Variants in PAG1 observed in about 807,000 individuals in gnomAD.
The protein encoded by PAG1 is phosphoprotein membrane anchor with glycosphingolipid microdomains 1.
A neutral mutation model predicts 31.7 loss-of-function variants in PAG1; 23 were observed. The observed-to-expected ratio is 0.73, with a 90% CI of 0.52 to 1.03. The LOEUF (loss-of-function observed/expected upper bound fraction) is 1.03, where lower values mean the gene tolerates loss of function less well. Ranked by LOEUF, PAG1 falls within the 50% of genes least tolerant of loss-of-function variation. The probability of loss-of-function intolerance (pLI) is 0.00; values close to 1 mark genes in which losing one functional copy is unlikely to be tolerated. For missense variants in PAG1, 473 were observed against 540.7 expected (o/e 0.87, Z 1.24); for synonymous variants, 214 against 210.3 (o/e 1.02, Z -0.15).
rs138757348 is a variant in PAG1, at chr8:80,995,776, A to T, written c.-80-2469T>A. 4.2e-3 allele frequency among the ~76,000 whole-genome samples: 645 copies of T among 152,054 alleles called. 3 individuals are homozygous for T. The highest frequency in any genetic ancestry group is 0.011 in the African/African-American group (475 of 41,480). On this transcript the variant is annotated intron_variant, in intron 3 of 8. Coordinates refer to ENST00000220597, the MANE Select transcript of PAG1 (RefSeq NM_018440.4). ...GAAACCTAGTGTGGAATCGCCAACA[A>T]CTCTCTCCTTTCTGTACATGTTTCT...
intron 3 of PAG1, among the ~76,000 whole-genome samples, chr8:81,005,229 T>C (rs531671394): frequency 1.3e-5 from 2 of 152,288 alleles, no homozygotes; most frequent in Admixed American, 6.5e-5. Flanking sequence ...CAGGTAATTG[T>C]TTTCTGCTTC....
intron 1 of PAG1, among the ~76,000 whole-genome samples, chr8:81,079,837 T>C (rs536576938): frequency 6.6e-6 from 1 of 152,088 alleles, no homozygotes; most frequent in East Asian, 1.9e-4. Context: ...GGCACGACCA[T>C]GGCTCACTAT....
intron 2 of PAG1, among the ~76,000 whole-genome samples, chr8:81,059,284 T>C (rs1351645039): frequency 2.0e-5 from 3 of 151,762 alleles, no homozygotes; most frequent in Non-Finnish European, 4.4e-5. Context: ...CTTTTTTTTT[T>C]TTTCTTTGAA....
chr8:81,003,388 C>T (rs1184047358), intron 3 of PAG1, among the ~76,000 whole-genome samples: 4 of 152,218 alleles, frequency 2.6e-5, no homozygotes, highest in African/African-American at 4.8e-5. Context: ...GTTATACAGC[C>T]GGATCCCTGG....
chr8:81,062,887 G>C (rs1369127788), intron 2 of PAG1, among the ~76,000 whole-genome samples: 1 of 152,092 alleles, frequency 6.6e-6, no homozygotes, highest in African/African-American at 2.4e-5. Flanking sequence ...CACTATGGCT[G>C]GTCTAAAATC....
chr8:81,097,990 T>C (rs1809554501), intron 1 of PAG1, among the ~76,000 whole-genome samples: 1 of 152,216 alleles, frequency 6.6e-6, no homozygotes, highest in Non-Finnish European at 1.5e-5. Flanking sequence ...TGCTTGTAAA[T>C]GGGTCCCATT....
chr8:81,085,969 C>CTTCTTTTTTTTT (rs1563425286), intron 1 of PAG1, among the ~76,000 whole-genome samples: 1 of 79,040 alleles, frequency 1.3e-5, no homozygotes, highest in African/African-American at 5.8e-5. Context: ...TTTAATCTGG[C>CTTCTTTTTTTTT]TTGTTTTTTT....
chr8:81,014,417 G>A (rs1808038233), intron 3 of PAG1, among the ~76,000 whole-genome samples: 1 of 152,204 alleles, frequency 6.6e-6, no homozygotes, highest in Admixed American at 6.5e-5. Context: ...TGTAGCAAAG[G>A]CACTGAAGCC....
chr8:80,988,526 T>C (rs1179711516), intron 5 of PAG1, among the ~76,000 whole-genome samples: 1 of 152,158 alleles, frequency 6.6e-6, no homozygotes, highest in Non-Finnish European at 1.5e-5. Flanking sequence ...AGTAGCATGA[T>C]TATAGCTCAC....
At chr8:81,089,591 C>A (rs148285340) in intron 1 of PAG1, among the ~76,000 whole-genome samples, 1 of 151,862 alleles carries the variant, frequency 6.6e-6, no homozygotes, top group African/African-American at 2.4e-5. Flanking sequence ...AAAAAAAGAA[C>A]CCTGAGTTTA....
At chr8:81,078,446 A>AT (rs1809212253) in intron 1 of PAG1, among the ~76,000 whole-genome samples, 1 of 152,216 alleles carries the variant, frequency 6.6e-6, no homozygotes, top group Admixed American at 6.5e-5. Flanking sequence ...TGAGTTTAGC[A>AT]CACAGACTGA....
At chr8:81,055,278 T>A (rs1354014544) in intron 2 of PAG1, among the ~76,000 whole-genome samples, 1 of 152,124 alleles carries the variant, frequency 6.6e-6, no homozygotes, top group Non-Finnish European at 1.5e-5. Context: ...GTTGCCCATA[T>A]GGCAGTGCCA....
At chr8:81,084,584 T>C (rs1809321457) in intron 1 of PAG1, among the ~76,000 whole-genome samples, 1 of 152,296 alleles carries the variant, frequency 6.6e-6, no homozygotes, top group Admixed American at 6.5e-5. Flanking sequence ...TTGCAATTAT[T>C]ACCCTTAATA....
intron 3 of PAG1, among the ~76,000 whole-genome samples, chr8:81,015,339 T>C (rs1051997470): frequency 1.3e-5 from 2 of 152,232 alleles, no homozygotes; most frequent in African/African-American, 4.8e-5. Context: ...CTTGAATATT[T>C]TGGGAACTGA....
At chr8:81,052,740 T>C (rs1808753938) in intron 2 of PAG1, among the ~76,000 whole-genome samples, 1 of 152,252 alleles carries the variant, frequency 6.6e-6, no homozygotes. Flanking sequence ...CAAATCCCTG[T>C]GCTACACAAA....
chr8:80,975,988 G>C lies in PAG1; in HGVS notation c.*556C>G, dbSNP rs1346763839. 1 of 152,876 alleles carries C rather than the reference G, an allele frequency of 6.5e-6. No individual in the cohort carries two copies. Among genetic ancestry groups the C allele is most frequent in the East Asian group, 1.9e-4 (1 of 5,202 alleles). The allele number at this position is 152,876 out of a possible 1,614,324, so 9.5% of individuals were successfully genotyped here. On this transcript the variant is annotated 3_prime_UTR_variant, in exon 9 of 9. Transcript: ENST00000220597. ...TTGGGGAGGACTGGCGAGCTGGGCA[G>C]AAAGCAGCAGCCATGGTTTGTCACC... is the stretch of plus-strand genomic sequence containing the variant.
intron 2 of PAG1, among the ~76,000 whole-genome samples, chr8:81,054,862 A>C (rs1284079053): frequency 2.0e-5 from 3 of 152,068 alleles, no homozygotes; most frequent in Admixed American, 1.3e-4. Context: ...CCTCACTCTC[A>C]ATCATACCTA....
chr8:81,024,449 A>G (rs1282469842), intron 3 of PAG1, among the ~76,000 whole-genome samples: 1 of 152,116 alleles, frequency 6.6e-6, no homozygotes, highest in Non-Finnish European at 1.5e-5. Context: ...CAAGACCCAA[A>G]CACCTCCACA....
intron 1 of PAG1, among the ~76,000 whole-genome samples, chr8:81,099,010 G>A (rs1809569325): frequency 2.0e-5 from 3 of 152,124 alleles, no homozygotes; most frequent in South Asian, 4.1e-4. Flanking sequence ...GCTACGAAAT[G>A]AGTTTGTTCC....
Sources: allele counts gnomAD v4.1 joint callset (sites outside exome capture counted in the v4.1 genomes callset), GRCh38; gene constraint gnomAD v4.1.1; transcripts MANE v1.5; gene names NCBI Gene and HGNC (gene_info 2026-07-23, HGNC 2026-07-21).